The following PFKFB1 variants were observed in gnomAD, a reference collection of about 807,000 sequenced individuals.
The protein encoded by PFKFB1 is 6-phosphofructo-2-kinase/fructose-2,6-biphosphatase 1.
Under a neutral mutation model 46.4 loss-of-function variants are expected in PFKFB1, and 34 were observed. The observed-to-expected ratio is 0.73, with a 90% CI of 0.56 to 0.98. The LOEUF (loss-of-function observed/expected upper bound fraction) is 0.98. Among genes scored for constraint, PFKFB1 ranks in the 50% least tolerant of loss-of-function variants. The probability of loss-of-function intolerance (pLI) is 0.00; values close to 1 mark genes in which losing one functional copy is unlikely to be tolerated. For synonymous variants in PFKFB1, 119 were observed against 133.8 expected (o/e 0.89, Z 0.76); for missense variants, 393 against 376.3 (o/e 1.04, Z -0.37).
chrX:54,944,058 A>G (rs1470773191), intron 10 of PFKFB1, among the ~76,000 whole-genome samples: 2 of 111,438 alleles, frequency 1.8e-5, no homozygotes, highest in Non-Finnish European at 3.8e-5. Flanking sequence ...GGGTAGAGAT[A>G]TTGATTTTAG....
rs368088864 is a variant in PFKFB1, at chrX:54,933,524, CT to C, written c.1357-63del. ...GCAGTGCAGGGCCCCAACCTCTCCC[CT>C]GCCTCTTGTCTTCATTGCCAGGCTC... On this transcript the variant is annotated intron_variant, in intron 13 of 13. Transcript: ENST00000375006. The C allele has an allele frequency of 3.3e-6, 3 of 919,022 alleles. No homozygotes were observed. In the East Asian group the frequency reaches 9.3e-5, roughly 29 times the overall value. The allele number at this position is 919,022 out of a possible 1,213,427, so 75.7% of individuals were successfully genotyped here. A position where few individuals can be genotyped will look rare whatever the true frequency, so the allele number is the denominator to read the frequency against.
chrX:54,933,784 T>C (rs776576089), intron 13 of PFKFB1, 37 bp downstream of exon 13: 7 of 1,144,596 alleles, frequency 6.1e-6, no homozygotes, highest in Non-Finnish European at 8.4e-6. Flanking sequence ...ATGTGCTGTG[T>C]CCACAGCCAG....
chrX:54,997,751 C>T (rs1025866888), upstream of PFKFB1, among the ~76,000 whole-genome samples: 2 of 111,771 alleles, frequency 1.8e-5, no homozygotes, highest in Non-Finnish European at 3.8e-5. Context: ...CACCATCTCT[C>T]CACTATTTTC....
chrX:54,938,571 C>CA (rs778130833), intron 10 of PFKFB1, among the ~76,000 whole-genome samples: 25 of 110,458 alleles, frequency 2.3e-4, no homozygotes, highest in African/African-American at 8.2e-4. Context: ...AAATGGAAAA[C>CA]AAAAAAAGGC....
At chrX:54,951,395 G>A (rs1241882868) in intron 8 of PFKFB1, among the ~76,000 whole-genome samples, 1 of 112,176 alleles carries the variant, frequency 8.9e-6, no homozygotes, top group Non-Finnish European at 1.9e-5. Flanking sequence ...AGGGCAGGAA[G>A]GACACTGTCA....
chrX:54,994,041 C>T lies in PFKFB1; in HGVS notation c.-34G>A. 2 of 1,182,161 alleles carry T rather than the reference C, an allele frequency of 1.7e-6. No individual in the cohort carries two copies. Among genetic ancestry groups the T allele is most frequent in the Non-Finnish European group, 2.3e-6 (2 of 879,852 alleles). ...TCGCACCGAATGACATCACTGCCCA[C>T]AAGGTACCTGGCCTCACTTCCTATC... is the stretch of plus-strand genomic sequence containing the variant. On this transcript the variant is annotated 5_prime_UTR_variant, in exon 1 of 14. It adds an upstream start codon to the 5' untranslated region. Transcript: ENST00000375006.
chrX:54,977,674 C>A (rs1013627434), intron 1 of PFKFB1, among the ~76,000 whole-genome samples: 5 of 111,075 alleles, frequency 4.5e-5, no homozygotes, highest in African/African-American at 9.8e-5. Flanking sequence ...ATTAATGATA[C>A]CCTAAAAGTA....
intron 6 of PFKFB1, 37 bp from the exon 7 acceptor site, chrX:54,956,311 T>C (rs1284145110): frequency 1.7e-6 from 2 of 1,204,459 alleles, no homozygotes; most frequent in Non-Finnish European, 2.2e-6. Flanking sequence ...AAGGGAGACA[T>C]TGGGAGACAG....
intron 9 of PFKFB1, among the ~76,000 whole-genome samples, chrX:54,946,505 C>A (rs1394846199): frequency 1.8e-5 from 2 of 111,550 alleles, no homozygotes; most frequent in African/African-American, 6.5e-5. Flanking sequence ...GTCTATTGGG[C>A]CCATCTACCA....
At chrX:54,935,371 G>A (rs1043450944) in intron 11 of PFKFB1, among the ~76,000 whole-genome samples, 2 of 111,502 alleles carry the variant, frequency 1.8e-5, no homozygotes, top group Non-Finnish European at 3.8e-5. Flanking sequence ...CACCACAAAG[G>A]CCCACAGTTC....
At position 54,944,190 on chromosome X, in the gene PFKFB1, T is replaced by C. The variant is rs537353771; in HGVS notation, c.1098+1249A>G. On this transcript the variant is annotated intron_variant, in intron 10 of 13. Transcript: ENST00000375006. ...TTGACCTTACATCCTTATTGAGATA[T>C]CAACTAAAAATTGAAAGAATCATGA... Among the ~76,000 whole-genome samples, 8 of 111,710 alleles carry C rather than the reference T, an allele frequency of 7.2e-5. No individual in the cohort carries two copies. The South Asian group carries it at 3.0e-3, about 42-fold the overall frequency.
At chrX:54,996,365 G>A (rs1935356874), upstream of PFKFB1, among the ~76,000 whole-genome samples, 1 of 112,174 alleles carries the variant, frequency 8.9e-6, no homozygotes, top group African/African-American at 3.2e-5. Flanking sequence ...TGAGGTCTGG[G>A]GAGGGGAAGT....
At chrX:54,939,831 C>T (rs185981700) in intron 10 of PFKFB1, among the ~76,000 whole-genome samples, 115 of 112,027 alleles carry the variant, frequency 1.0e-3, no homozygotes, top group African/African-American at 3.5e-3. Context: ...GGAACTGGTA[C>T]CATTCCGTCT....
chrX:54,985,821 T>C (rs1402618706), intron 1 of PFKFB1, among the ~76,000 whole-genome samples: 2 of 109,791 alleles, frequency 1.8e-5, no homozygotes, highest in Non-Finnish European at 3.8e-5. Flanking sequence ...ATTAAATTAG[T>C]ACAAATCTGA....
chrX:54,949,643 CA>C (rs1474194804), intron 8 of PFKFB1, among the ~76,000 whole-genome samples: 1 of 112,049 alleles, frequency 8.9e-6, no homozygotes, highest in Non-Finnish European at 1.9e-5. Context: ...TGTGGATAAC[CA>C]AGTCACATGA....
intron 7 of PFKFB1, among the ~76,000 whole-genome samples, chrX:54,952,531 G>T (rs1439404421): frequency 9.3e-6 from 1 of 107,415 alleles, no homozygotes; most frequent in African/African-American, 3.4e-5. Flanking sequence ...CTGATCCTGA[G>T]TTGAGCTCTT....
intron 1 of PFKFB1, among the ~76,000 whole-genome samples, chrX:54,983,226 A>G (rs907467476): frequency 2.7e-5 from 3 of 111,672 alleles, no homozygotes; most frequent in Non-Finnish European, 5.7e-5. Flanking sequence ...AATTAATGTC[A>G]CAAGAGTTTG....
intron 1 of PFKFB1, among the ~76,000 whole-genome samples, chrX:54,985,476 A>G (rs752421916): frequency 9.0e-6 from 1 of 111,637 alleles, no homozygotes; most frequent in South Asian, 3.7e-4. Flanking sequence ...ATGCACTCCA[A>G]GAAGCAACAC....
At chrX:54,965,835 T>C (rs184733791) in intron 1 of PFKFB1, among the ~76,000 whole-genome samples, 28 of 111,455 alleles carry the variant, frequency 2.5e-4, no homozygotes, top group Admixed American at 1.3e-3. Context: ...TATAGTATTA[T>C]TTAAAGGTGA....
Sources: gnomAD v4.1 joint callset for allele counts (sites outside exome capture counted in the v4.1 genomes callset) on GRCh38, gnomAD v4.1.1 for gene constraint, MANE v1.5 for transcripts, NCBI Gene and HGNC (gene_info 2026-07-23, HGNC 2026-07-21) for gene names.